Variants in PSME4 observed in about 807,000 individuals in gnomAD.
PSME4 encodes proteasome activator complex subunit 4.
Under a neutral mutation model 253.9 loss-of-function variants are expected in PSME4, and 89 were observed. That is an observed-to-expected ratio of 0.35 (90% CI 0.30 to 0.42). The LOEUF is 0.42. Among genes scored for constraint, PSME4 ranks in the 10% least tolerant of loss-of-function variants. The probability of loss-of-function intolerance (pLI) is 1.00; values close to 1 mark genes in which losing one functional copy is unlikely to be tolerated. For synonymous variants in PSME4, 851 were observed against 759.2 expected, an observed-to-expected ratio of 1.12 and a Z score of -1.99; for missense variants, 2,014 against 2,195.2, an observed-to-expected ratio of 0.92 and a Z score of 1.65.
chr2:53,869,594 G>T, intron 43 of PSME4, 56 bp from the exon 44 acceptor site: 1 of 1,360,596 alleles, frequency 7.3e-7, no homozygotes, highest in Non-Finnish European at 9.8e-7. Flanking sequence ...GGGAATAATG[G>T]AGGATAGGGG....
intron 41 of PSME4, among the ~76,000 whole-genome samples, chr2:53,882,186 T>C (rs1219935268): frequency 1.3e-5 from 2 of 152,178 alleles, no homozygotes; most frequent in Admixed American, 1.3e-4. Context: ...TTTTCACTTC[T>C]GGTGATTTAT....
chr2:53,933,065 C>G lies in PSME4; in HGVS notation c.958-305G>C, dbSNP rs556615760. On this transcript the variant is annotated intron_variant, in intron 8 of 46. Transcript: ENST00000404125. ...TGTTCTGCAGTAAATAACCTGGATA[C>G]TAAAATTTATCACTAAGATTATCAT... 12 of 227,524 alleles carry G rather than the reference C, an allele frequency of 5.3e-5. No homozygotes were observed. The South Asian group carries it at 1.3e-3, about 24-fold the overall frequency. The allele number at this position is 227,524 out of a possible 1,614,324, so 14.1% of individuals were successfully genotyped here.
At chr2:53,958,200 A>AT (rs2104484933) in intron 1 of PSME4, among the ~76,000 whole-genome samples, 1 of 147,496 alleles carries the variant, frequency 6.8e-6, no homozygotes, top group African/African-American at 2.4e-5. Flanking sequence ...AAAAAAAAAA[A>AT]AAAAAATTAG....
At chr2:53,890,250 A>C (rs1402051418) in intron 36 of PSME4, 42 bp from the exon 37 acceptor site, 1 of 1,335,770 alleles carries the variant, frequency 7.5e-7, no homozygotes, top group Admixed American at 1.9e-5. Flanking sequence ...AATGACACTC[A>C]GAACATTTTT....
intron 20 of PSME4, among the ~76,000 whole-genome samples, chr2:53,915,759 T>A (rs1668031660): frequency 6.6e-6 from 1 of 151,850 alleles, no homozygotes; most frequent in Non-Finnish European, 1.5e-5. Flanking sequence ...TTTATATAAG[T>A]TTAAATGTTT....
chr2:53,868,087 C>T (rs1211122534), intron 44 of PSME4, among the ~76,000 whole-genome samples: 3 of 152,062 alleles, frequency 2.0e-5, no homozygotes, highest in African/African-American at 7.3e-5. Context: ...AGAATTTGGA[C>T]TGGTCAAAAT....
At position 53,925,966 on chromosome 2, in the gene PSME4, T is replaced by A; in HGVS notation, c.1651A>T (p.Met551Leu). The A allele has an allele frequency of 6.2e-7, 1 of 1,612,922 alleles. No individual in the cohort carries two copies. The highest frequency in any genetic ancestry group is 8.5e-7 in the Non-Finnish European group (1 of 1,178,876). ...TGTGGGTTACAAGCTCACCTGTCCA[T>A]AAACTGTAAGACGAAATCCTCAAAT... ...AEFEDFVLQF[M>L]DRCFGLIESS... Residue 551 changes from methionine (M) to leucine (L), a missense_variant, in exon 13 of 47, where the codon ATG becomes TTG. Coordinates refer to ENST00000404125, the MANE Select transcript of PSME4 (RefSeq NM_014614.3).
intron 22 of PSME4, 58 bp downstream of exon 22, chr2:53,908,726 A>G (rs1667679820): frequency 1.3e-6 from 2 of 1,485,902 alleles, no homozygotes; most frequent in African/African-American, 2.8e-5. Flanking sequence ...GTTATAGATT[A>G]AAATTCCAAA....
chr2:53,970,490 C>G (rs1369367540), intron 1 of PSME4, 53 bp downstream of exon 1: 2 of 1,546,808 alleles, frequency 1.3e-6, no homozygotes, highest in South Asian at 2.4e-5. Context: ...ATCCCCGACA[C>G]CTCTCACTGA....
chr2:53,896,139 C>T (rs905159878), intron 32 of PSME4, among the ~76,000 whole-genome samples: 6 of 152,120 alleles, frequency 3.9e-5, no homozygotes, highest in African/African-American at 9.7e-5. Context: ...TCTCTCTCCA[C>T]ACATACTTAT....
At chr2:53,917,008 T>C (rs906799727) in intron 20 of PSME4, among the ~76,000 whole-genome samples, 1 of 151,762 alleles carries the variant, frequency 6.6e-6, no homozygotes, top group African/African-American at 2.4e-5. Context: ...TACGTATTAT[T>C]CAATTATTTT....
chr2:53,883,986 T>C (rs1430048553), intron 41 of PSME4, among the ~76,000 whole-genome samples: 1 of 152,220 alleles, frequency 6.6e-6, no homozygotes, highest in Non-Finnish European at 1.5e-5. Flanking sequence ...CCTCTTCTAC[T>C]CCTTCTGTGC....
Position 53,922,582 on chromosome 2 carries a change from C to A in PSME4, c.1981G>T (p.Asp661Tyr). 6.2e-7 allele frequency: 1 copy of A among 1,611,484 alleles called. No individual in the cohort carries two copies. The highest frequency in any genetic ancestry group is 8.5e-7 in the Non-Finnish European group (1 of 1,179,144). The change falls in exon 17 of 47, where the codon GAT becomes TAT. Residue 661 changes from aspartate to tyrosine, a missense_variant and splice_region_variant. By Grantham distance (160) the Asp-to-Tyr change is radical (BLOSUM62 -3). Coordinates refer to ENST00000404125, the MANE Select transcript of PSME4 (RefSeq NM_014614.3). The part of the protein sequence containing the change: ...CSVITQLTMN[D>Y]DVLNDEELDK... Reference sequence around the variant, plus strand: ...AGCTCTTCATCATTTAATACATCATCATCTAAAAACAGCAAAATACTATTA... The same window carrying A: ...AGCTCTTCATCATTTAATACATCATAATCTAAAAACAGCAAAATACTATTA...
chr2:53,927,063 T>C (rs576880498), intron 12 of PSME4, among the ~76,000 whole-genome samples: 1 of 152,188 alleles, frequency 6.6e-6, no homozygotes, highest in East Asian at 1.9e-4. Flanking sequence ...TAAATGTCAA[T>C]CCCTTGGACA....
In PSME4 at chr2:53,864,920, T is replaced by A. The variant is rs964265087; in HGVS notation, c.*658A>T. 1.3e-5 allele frequency: 2 copies of A among 152,616 alleles called. No homozygotes were observed. Among genetic ancestry groups the A allele is most frequent in the African/African-American group, 4.8e-5 (2 of 41,440 alleles). The allele number at this position is 152,616 out of a possible 1,614,324, so 9.5% of individuals were successfully genotyped here. A position where few individuals can be genotyped will look rare whatever the true frequency, so the allele number is the denominator to read the frequency against. On this transcript the variant is annotated 3_prime_UTR_variant, in exon 47 of 47. Coordinates refer to ENST00000404125, the MANE Select transcript of PSME4 (RefSeq NM_014614.3). ...ATCACACATTGAATACACACAACAA[T>A]CAGATTTCTTCACCAAACCCCCAAT...
At chr2:53,884,699 G>A (rs1236892126) in intron 41 of PSME4, among the ~76,000 whole-genome samples, 1 of 152,134 alleles carries the variant, frequency 6.6e-6, no homozygotes, top group Admixed American at 6.5e-5. Context: ...CTTGGTATGT[G>A]ACAGAGGAAA....
intron 3 of PSME4, among the ~76,000 whole-genome samples, chr2:53,940,940 A>AATATAT (rs1285943060): frequency 1.9e-5 from 1 of 51,314 alleles, no homozygotes. Context: ...TACATATATA[A>AATATAT]ATATATATAT....
At chr2:53,955,495 T>C (rs950683720) in intron 1 of PSME4, among the ~76,000 whole-genome samples, 2 of 152,328 alleles carry the variant, frequency 1.3e-5, no homozygotes, top group East Asian at 3.9e-4. Flanking sequence ...TGCTTTAGAC[T>C]ATAATGCAGT....
At chr2:53,910,594 G>T (rs568788581) in intron 20 of PSME4, among the ~76,000 whole-genome samples, 3 of 152,004 alleles carry the variant, frequency 2.0e-5, no homozygotes, top group Non-Finnish European at 4.4e-5. Context: ...AAGAAATTCA[G>T]GTATAAAAAT....
Sources: allele counts gnomAD v4.1 joint callset (sites outside exome capture counted in the v4.1 genomes callset), GRCh38; gene constraint gnomAD v4.1.1; transcripts MANE v1.5; gene names NCBI Gene and HGNC (gene_info 2026-07-23, HGNC 2026-07-21).